RPA1: variants seen among roughly 807,000 people sequenced by gnomAD.
The protein encoded by RPA1 is replication protein A1.
RPA1 carries 49 observed loss-of-function variants against 83.0 expected under a neutral mutation model. That is an observed-to-expected ratio of 0.59 (90% CI 0.47 to 0.75). The LOEUF is 0.75. Among genes scored for constraint, RPA1 ranks in the 30% least tolerant of loss-of-function variants. RPA1 has a pLI of 0.00. For synonymous variants in RPA1, 279 were observed against 281.8 expected, an observed-to-expected ratio of 0.99 and a Z score of 0.10; for missense variants, 693 against 776.1, an observed-to-expected ratio of 0.89 and a Z score of 1.27.
rs1913905101 is a variant in RPA1 at position 1,884,047 on chromosome 17, T to C, written c.1374+103T>C. On this transcript the variant is annotated intron_variant, in intron 13 of 16. Transcript: ENST00000254719. This position sits in a 1 kb window ranked among gnomAD's most constrained non-coding sequence, Gnocchi z 4.1. ...CACCAGCTGTCAGAGCCGTAATTCT[T>C]ACCCGGGGCTGTGACCTGAGCGTGG... The C allele has an allele frequency of 6.6e-7, 1 of 1,507,630 alleles. No individual in the cohort carries two copies. The highest frequency in any genetic ancestry group is 9.0e-7 in the Non-Finnish European group (1 of 1,107,166). 93.4% of individuals were successfully genotyped at this position (1,507,630 alleles called of 1,614,324 possible).
chr17:1,842,854 G>GT lies in RPA1; in HGVS notation c.84+2dup. ...CATAAAGCCCATCCTCCAAGTCATC[G>GT]TAAGTACCTGCGTATGTTATGTTCC... On this transcript the variant is annotated splice_donor_variant, in intron 2 of 16. Coordinates refer to ENST00000254719, the MANE Select transcript of RPA1 (RefSeq NM_002945.5). LOFTEE classifies it high-confidence loss of function. 1.2e-6 allele frequency: 2 copies of GT among 1,613,842 alleles called. No homozygotes were observed. The highest frequency in any genetic ancestry group is 1.7e-6 in the Non-Finnish European group (2 of 1,179,770).
intron 8 of RPA1, among the ~76,000 whole-genome samples, chr17:1,878,668 T>C (rs1264187152): frequency 6.6e-6 from 1 of 152,246 alleles, no homozygotes; most frequent in African/African-American, 2.4e-5. Flanking sequence ...CAACTTTTTT[T>C]GTTTTTATTG....
intron 4 of RPA1, among the ~76,000 whole-genome samples, chr17:1,849,779 T>C (rs1457361185): frequency 6.6e-6 from 1 of 152,190 alleles, no homozygotes; most frequent in African/African-American, 2.4e-5. Context: ...GGTGCAGGTT[T>C]TATTTTTTAA....
chr17:1,871,438 A>G (rs1274062057), intron 5 of RPA1, among the ~76,000 whole-genome samples: 4 of 152,142 alleles, frequency 2.6e-5, no homozygotes, highest in African/African-American at 9.7e-5. Flanking sequence ...GCAGTTGGAG[A>G]AGGCAGAGAC....
At chr17:1,867,627 C>G (rs1323973005) in intron 5 of RPA1, among the ~76,000 whole-genome samples, 1 of 152,098 alleles carries the variant, frequency 6.6e-6, no homozygotes, top group Non-Finnish European at 1.5e-5. Flanking sequence ...GGGAGGATCA[C>G]TTGAGCCCAG....
At chr17:1,841,608 T>C (rs1375729390) in intron 1 of RPA1, among the ~76,000 whole-genome samples, 2 of 152,214 alleles carry the variant, frequency 1.3e-5, no homozygotes, top group Non-Finnish European at 2.9e-5. Flanking sequence ...AGTTCCTTTT[T>C]AATCTTTATG....
Position 1,862,194 on chromosome 17 carries a change from ATTTTT to A in RPA1, c.361+9026_361+9030del, listed in dbSNP as rs57509401. Among the ~76,000 whole-genome samples the A allele has an allele frequency of 7.0e-3, 650 of 93,148 alleles. 6 individuals are homozygous for A. Among genetic ancestry groups the A allele is most frequent in the African/African-American group, 0.032 (620 of 19,318 alleles). The allele number at this position is 93,148 out of a possible 152,430, so 61.1% of individuals were successfully genotyped here. On this transcript the variant is annotated intron_variant, in intron 5 of 16. Transcript: ENST00000254719. ...GGCGTGAGCCACCGCCCCCAACCGT[ATTTTT>A]TTTTTTTTTTTTTTTTTTTTGTAGC...
chr17:1,878,813 G>A (rs982148576), intron 8 of RPA1, among the ~76,000 whole-genome samples, 180 bp from the exon 9 acceptor site: 4 of 152,178 alleles, frequency 2.6e-5, no homozygotes, highest in African/African-American at 9.7e-5. Flanking sequence ...GTGTGTGACT[G>A]TAAAATGCGG....
At chr17:1,878,155 A>T (rs1330823677) in intron 8 of RPA1, among the ~76,000 whole-genome samples, 1 of 151,772 alleles carries the variant, frequency 6.6e-6, no homozygotes. Context: ...CAATCGCCTG[A>T]ACCAAGGAGG....
At chr17:1,894,359 G>C (rs1465359885) in intron 15 of RPA1, among the ~76,000 whole-genome samples, 3 of 152,032 alleles carry the variant, frequency 2.0e-5, no homozygotes, top group African/African-American at 7.2e-5. Context: ...TAGAGATGGG[G>C]TTTCACCGTG....
In RPA1 at chr17:1,830,076, A is replaced by C. The variant is rs891653232; in HGVS notation, c.-18A>C. The C allele has an allele frequency of 1.2e-5, 15 of 1,249,610 alleles. No homozygotes were observed. Among genetic ancestry groups the C allele is most frequent in the Non-Finnish European group, 1.4e-5 (14 of 988,370 alleles). 77.4% of individuals were successfully genotyped at this position (1,249,610 alleles called of 1,614,324 possible). ...GGAGCTGTTGCGGGGTCCGCGGGGA[A>C]GTCTTGGCGGTGGAGCCATGGTCGG... On this transcript the variant is annotated 5_prime_UTR_variant, in exon 1 of 17. Coordinates refer to ENST00000254719, the MANE Select transcript of RPA1 (RefSeq NM_002945.5).
chr17:1,879,179 G>C, intron 9 of RPA1, 36 bp from the exon 10 acceptor site: 1 of 1,609,830 alleles, frequency 6.2e-7, no homozygotes, highest in South Asian at 1.1e-5. Flanking sequence ...CGATTTGATG[G>C]TAGTCTCAGG....
At chr17:1,833,819 A>G (rs1567797611) in intron 1 of RPA1, among the ~76,000 whole-genome samples, 1 of 151,864 alleles carries the variant, frequency 6.6e-6, no homozygotes, top group Non-Finnish European at 1.5e-5. Flanking sequence ...GCACCATTGC[A>G]CTCCAGCAAC....
In RPA1 at chr17:1,879,205, T is replaced by C; in HGVS notation, c.760-10T>C. ...TAGTCTCAGGTTCTGTGGCTTGGCC[T>C]CCTTCGCAGGTGTATTATTTCTCGA... On this transcript the variant is annotated splice_polypyrimidine_tract_variant and intron_variant, in intron 9 of 16. Coordinates refer to ENST00000254719, the MANE Select transcript of RPA1 (RefSeq NM_002945.5). 6.2e-7 allele frequency: 1 copy of C among 1,612,202 alleles called. No homozygotes were observed. Among genetic ancestry groups the C allele is most frequent in the Non-Finnish European group, 8.5e-7 (1 of 1,178,660 alleles).
intron 5 of RPA1, among the ~76,000 whole-genome samples, chr17:1,860,895 G>T (rs1439143780): frequency 6.6e-6 from 1 of 152,170 alleles, no homozygotes; most frequent in Non-Finnish European, 1.5e-5. Flanking sequence ...ATCTTTTGGT[G>T]TGTTGCTTTT....
chr17:1,859,348 T>A (rs1912851101), intron 5 of RPA1, among the ~76,000 whole-genome samples: 1 of 152,218 alleles, frequency 6.6e-6, no homozygotes. Context: ...TTTTTCTATA[T>A]CTTTACTGTT....
At chr17:1,873,252 C>G (rs1913444354) in intron 6 of RPA1, among the ~76,000 whole-genome samples, 1 of 152,168 alleles carries the variant, frequency 6.6e-6, no homozygotes, top group Admixed American at 6.6e-5. Flanking sequence ...CATAGGTTCT[C>G]CTTCTCAATT....
chr17:1,841,218 C>A (rs1165526492), intron 1 of RPA1, among the ~76,000 whole-genome samples: 1 of 152,170 alleles, frequency 6.6e-6, no homozygotes, highest in Non-Finnish European at 1.5e-5. Flanking sequence ...AATCAACTTA[C>A]TAGTTTTTAT....
At chr17:1,855,332 TG>T (rs956504679) in intron 5 of RPA1, among the ~76,000 whole-genome samples, 4 of 65,704 alleles carry the variant, frequency 6.1e-5, no homozygotes, top group African/African-American at 1.8e-4. Flanking sequence ...CGGCTAAAAT[TG>T]TGTGTGTGTG....
Sources: gnomAD v4.1 joint callset for allele counts (sites outside exome capture counted in the v4.1 genomes callset) on GRCh38, gnomAD v4.1.1 for gene constraint, Gnocchi (gnomAD v3.1) non-coding constraint, MANE v1.5 for transcripts, NCBI Gene and HGNC (gene_info 2026-07-23, HGNC 2026-07-21) for gene names.